WDPCP: variants seen among roughly 807,000 people sequenced by gnomAD.
WDPCP encodes WD repeat containing planar cell polarity effector.
In WDPCP, 71 loss-of-function variants were observed where a neutral mutation model predicts 93.1. The ratio of observed to expected loss-of-function variants is 0.76; its 90% CI spans 0.63 to 0.93. The LOEUF (loss-of-function observed/expected upper bound fraction) is 0.93. WDPCP is among the 40% of genes least tolerant of loss of function. The pLI is 0.00. For missense variants in WDPCP, 844 were observed against 887.4 expected, an observed-to-expected ratio of 0.95 and a Z score of 0.62; for synonymous variants, 315 against 315.0, an observed-to-expected ratio of 1.00 and a Z score of 0.00.
intron 2 of WDPCP, among the ~76,000 whole-genome samples, chr2:63,763,871 G>A (rs748651886): frequency 2.6e-5 from 4 of 152,104 alleles, no homozygotes; most frequent in African/African-American, 9.7e-5. Context: ...GGTGGTGTTG[G>A]GGGGAGGGTC....
intron 10 of WDPCP, among the ~76,000 whole-genome samples, chr2:63,388,033 A>G (rs1336072675): frequency 6.6e-6 from 1 of 152,186 alleles, no homozygotes; most frequent in Non-Finnish European, 1.5e-5. Flanking sequence ...AATATCATTA[A>G]AATGACTTTA....
chr2:63,303,849 A>G (rs1685516063), intron 13 of WDPCP, among the ~76,000 whole-genome samples: 1 of 152,182 alleles, frequency 6.6e-6, no homozygotes, highest in African/African-American at 2.4e-5. Context: ...AAAAGAAGAC[A>G]TATAAGCAGT....
At chr2:63,276,997 A>G (rs958125558) in intron 13 of WDPCP, among the ~76,000 whole-genome samples, 2 of 152,224 alleles carry the variant, frequency 1.3e-5, no homozygotes, top group East Asian at 3.8e-4. Flanking sequence ...GGTAACCTAT[A>G]AAGGAAAACC....
intron 14 of WDPCP, among the ~76,000 whole-genome samples, chr2:63,244,226 TAA>T (rs1208988010): frequency 3.9e-5 from 6 of 152,082 alleles, no homozygotes; most frequent in Admixed American, 2.6e-4. Context: ...AACACAGTAT[TAA>T]GAGGAAAGTT....
intron 2 of WDPCP, among the ~76,000 whole-genome samples, chr2:63,812,499 C>T (rs1670877478): frequency 4.6e-5 from 7 of 152,208 alleles, no homozygotes; most frequent in Admixed American, 4.6e-4. Context: ...CTGCTTTCCA[C>T]AGTAGCTGAA....
chr2:63,523,730 G>A (rs912603197), intron 1 of WDPCP, among the ~76,000 whole-genome samples: 2 of 152,134 alleles, frequency 1.3e-5, no homozygotes, highest in African/African-American at 4.8e-5. Context: ...TGGCCAATGT[G>A]GCAAAACGCC....
At chr2:63,695,304 C>T (rs1391011168) in intron 2 of WDPCP, among the ~76,000 whole-genome samples, 2 of 152,064 alleles carry the variant, frequency 1.3e-5, no homozygotes, top group Non-Finnish European at 2.9e-5. Context: ...ATATATAATT[C>T]AATAGATATC....
chr2:63,206,665 C>T (rs1388236302), intron 14 of WDPCP, among the ~76,000 whole-genome samples: 1 of 152,014 alleles, frequency 6.6e-6, no homozygotes, highest in East Asian at 1.9e-4. Context: ...GTTGCGCAGG[C>T]TGGGCTCAAG....
At chr2:63,313,886 A>ATATGTGTGTGTATATATATATATATTTT in intron 12 of WDPCP, among the ~76,000 whole-genome samples, 3 of 74,500 alleles carry the variant, frequency 4.0e-5, no homozygotes, top group African/African-American at 1.5e-4. Flanking sequence ...ATATATATAT[A>ATATGTGTGTGTATATATATATATATTTT]TTTTTTTTTT....
At chr2:63,208,735 CCCCTACCTT>C (rs1287391504) in intron 14 of WDPCP, among the ~76,000 whole-genome samples, 18 of 152,088 alleles carry the variant, frequency 1.2e-4, no homozygotes, top group Admixed American at 1.0e-3. Context: ...ATTAGAAGTC[CCCCTACCTT>C]CCGTGTGTTT....
At chr2:63,762,623 C>G (rs1378832217) in intron 2 of WDPCP, among the ~76,000 whole-genome samples, 1 of 152,180 alleles carries the variant, frequency 6.6e-6, no homozygotes, top group African/African-American at 2.4e-5. Flanking sequence ...AGTGGGAACT[C>G]TCTGAAGGGT....
At chr2:63,170,920 A>G (rs1327767024) in intron 15 of WDPCP, among the ~76,000 whole-genome samples, 1 of 152,116 alleles carries the variant, frequency 6.6e-6, no homozygotes, top group Non-Finnish European at 1.5e-5. Flanking sequence ...CTTAACACCT[A>G]TAGTCAGTTG....
At chr2:63,328,090 G>T (rs1687697077) in intron 12 of WDPCP, among the ~76,000 whole-genome samples, 1 of 152,138 alleles carries the variant, frequency 6.6e-6, no homozygotes. Flanking sequence ...GGGTTGGTTG[G>T]GGACTTGGAG....
intron 3 of WDPCP, among the ~76,000 whole-genome samples, chr2:63,625,272 A>T (rs1709797801): frequency 6.6e-6 from 1 of 152,214 alleles, no homozygotes; most frequent in Non-Finnish European, 1.5e-5. Flanking sequence ...CAGGCACAAG[A>T]CAAGGATGCT....
At chr2:63,412,615 G>A (rs1695098579) in intron 9 of WDPCP, among the ~76,000 whole-genome samples, 1 of 152,002 alleles carries the variant, frequency 6.6e-6, no homozygotes. Flanking sequence ...CAACATGATT[G>A]TTTACCTTGA....
chr2:63,285,367 G>A (rs544045168), intron 13 of WDPCP, among the ~76,000 whole-genome samples: 2 of 151,366 alleles, frequency 1.3e-5, no homozygotes, highest in South Asian at 4.2e-4. Context: ...TCGGGAGGTG[G>A]AGCTTGCAGT....
At chr2:63,546,313 T>C (rs1160599002) in intron 1 of WDPCP, among the ~76,000 whole-genome samples, 3 of 152,118 alleles carry the variant, frequency 2.0e-5, no homozygotes, top group Non-Finnish European at 4.4e-5. Flanking sequence ...AGCAAAACAG[T>C]AATGTAGTTT....
intron 13 of WDPCP, among the ~76,000 whole-genome samples, chr2:63,268,436 G>A (rs1318190489): frequency 6.6e-6 from 1 of 151,976 alleles, no homozygotes; most frequent in African/African-American, 2.4e-5. Flanking sequence ...GCAATGTATT[G>A]TATATTTCAA....
intron 14 of WDPCP, among the ~76,000 whole-genome samples, chr2:63,234,496 C>G (rs1022788585): frequency 2.0e-5 from 3 of 152,040 alleles, no homozygotes; most frequent in Non-Finnish European, 4.4e-5. Context: ...GCTGGAATGT[C>G]TACAAAATGG....
Sources: gnomAD v4.1 joint callset for allele counts (sites outside exome capture counted in the v4.1 genomes callset) on GRCh38, gnomAD v4.1.1 for gene constraint, MANE v1.5 for transcripts, NCBI Gene and HGNC (gene_info 2026-07-23, HGNC 2026-07-21) for gene names.